The following MLIP variants were observed in gnomAD, a reference collection of about 807,000 sequenced individuals.
MLIP encodes muscular LMNA interacting protein.
A neutral mutation model predicts 84.8 loss-of-function variants in MLIP; 79 were observed. The ratio of observed to expected loss-of-function variants is 0.93; its 90% CI spans 0.78 to 1.12. The LOEUF is 1.12. Among genes scored for constraint, MLIP ranks in the 50% most tolerant of loss-of-function variants. The pLI is 0.00. For synonymous variants in MLIP, 504 were observed against 463.0 expected (o/e 1.09, Z -1.14); for missense variants, 1,257 against 1,160.6 (o/e 1.08, Z -1.21).
intron 11 of MLIP, among the ~76,000 whole-genome samples, chr6:54,226,939 G>A (rs1463063522): frequency 6.6e-6 from 1 of 152,178 alleles, no homozygotes; most frequent in Non-Finnish European, 1.5e-5. Flanking sequence ...GGTCACCTTA[G>A]TTGGAGAATG....
chr6:54,182,002 T>A lies in MLIP; in HGVS notation c.2545-7868T>A, dbSNP rs180926172. 1.8e-4 allele frequency among the ~76,000 whole-genome samples: 27 copies of A among 152,306 alleles called. No individual in the cohort carries two copies. The East Asian group carries it at 5.2e-3, about 29-fold the overall frequency. ...GGGAAGAAATAGCACAAGTACTCCC[T>A]TTGCCATGCCAGCTGATGTCTCCCT... On this transcript the variant is annotated intron_variant, in intron 9 of 13. Coordinates refer to ENST00000502396, the MANE Select transcript of MLIP (RefSeq NM_001281747.2).
At chr6:54,126,608 C>A (rs1421013171) in intron 3 of MLIP, among the ~76,000 whole-genome samples, 5 of 151,626 alleles carry the variant, frequency 3.3e-5, no homozygotes, top group African/African-American at 1.2e-4. Context: ...CTTGAGTGAA[C>A]TGTAGGTCAT....
At chr6:54,111,440 C>T, upstream of MLIP, 1 of 1,535,154 alleles carries the variant, frequency 6.5e-7, no homozygotes, top group Non-Finnish European at 8.7e-7. Context: ...CCCTTCCCAC[C>T]TCAGTCATTG....
intron 5 of MLIP, among the ~76,000 whole-genome samples, chr6:54,151,951 G>A (rs533323349): frequency 6.6e-6 from 1 of 152,172 alleles, no homozygotes; most frequent in Non-Finnish European, 1.5e-5. Flanking sequence ...AGTACACTTT[G>A]TTGGCAGGGA....
In MLIP at chr6:54,137,530, C is replaced by G; in HGVS notation, c.1461C>G (p.Thr487=). Residue 487 remains threonine (T), a synonymous_variant, in exon 4 of 14, where the codon ACC becomes ACG. Transcript: ENST00000502396. ...GGGAACTCCAGGTTTCTGAATTGACCCAGCAATCTTTTCACCTGCCTGTTT... is the reference window on the plus strand; with the variant it reads ...GGGAACTCCAGGTTTCTGAATTGACGCAGCAATCTTTTCACCTGCCTGTTT... ...DQGELQVSEL[T]QQSFHLPVFT... 1 of 1,536,068 alleles carries G rather than the reference C, an allele frequency of 6.5e-7. No homozygotes were observed. The highest frequency in any genetic ancestry group is 8.7e-7 in the Non-Finnish European group (1 of 1,146,916).
intron 9 of MLIP, among the ~76,000 whole-genome samples, chr6:54,176,093 G>T (rs1776257106): frequency 6.6e-6 from 1 of 151,996 alleles, no homozygotes; most frequent in Non-Finnish European, 1.5e-5. Context: ...TGATCATGAT[G>T]AAGGATCTTT....
chr6:54,171,150 G>T (rs777493482), intron 9 of MLIP, among the ~76,000 whole-genome samples: 1 of 151,296 alleles, frequency 6.6e-6, no homozygotes, highest in Non-Finnish European at 1.5e-5. Flanking sequence ...ATTCTGGAGC[G>T]GCTTCTTCAA....
intron 11 of MLIP, chr6:54,216,471 G>C: frequency 1.0e-6 from 1 of 985,322 alleles, no homozygotes; most frequent in Non-Finnish European, 1.2e-6. Flanking sequence ...CTTTTCCCTT[G>C]AGTGTACCTC....
intron 5 of MLIP, among the ~76,000 whole-genome samples, chr6:54,156,530 A>G (rs1302215409): frequency 1.3e-5 from 2 of 152,148 alleles, no homozygotes; most frequent in African/African-American, 4.8e-5. Context: ...ATCGCATTGC[A>G]CTAGCATTGA....
At chr6:54,149,263 A>T in intron 5 of MLIP, 136 bp downstream of exon 5, 1 of 775,416 alleles carries the variant, frequency 1.3e-6, no homozygotes, top group Admixed American at 2.6e-5. Context: ...TTAGTTTAGG[A>T]TGATGTGGTG....
At chr6:54,147,313 T>A (rs1174195528) in intron 4 of MLIP, among the ~76,000 whole-genome samples, 1 of 152,194 alleles carries the variant, frequency 6.6e-6, no homozygotes, top group Non-Finnish European at 1.5e-5. Context: ...ATAGGACTTC[T>A]GTAAAATTAA....
In MLIP at chr6:54,189,858, T is replaced by TTGGC. The variant is rs774261452; in HGVS notation, c.2545-12_2545-11insTGGC. 1.9e-6 allele frequency: 3 copies of TTGGC among 1,584,372 alleles called. No homozygotes were observed. The highest frequency in any genetic ancestry group is 1.7e-6 in the Non-Finnish European group (2 of 1,153,736). ...GAGTTTCACTAATAAATGCCATGTT[T>TTGGC]ATGTTTTGCAGGCAAATCTCTCCTC... On this transcript the variant is annotated splice_polypyrimidine_tract_variant and intron_variant, in intron 9 of 13. Coordinates refer to ENST00000502396, the MANE Select transcript of MLIP (RefSeq NM_001281747.2).
intron 11 of MLIP, chr6:54,215,001 G>A (rs373380864): frequency 7.1e-5 from 42 of 594,612 alleles, no homozygotes; most frequent in African/African-American, 5.4e-4. Flanking sequence ...TAAAGGAGAC[G>A]ATATCCCTCC....
chr6:54,135,150 T>C (rs1771695168), intron 3 of MLIP, among the ~76,000 whole-genome samples: 1 of 152,142 alleles, frequency 6.6e-6, no homozygotes, highest in Non-Finnish European at 1.5e-5. Context: ...GATTTAAATA[T>C]ATCTCTAACC....
intron 4 of MLIP, among the ~76,000 whole-genome samples, chr6:54,141,771 A>T (rs1028251356): frequency 2.6e-5 from 4 of 152,178 alleles, no homozygotes; most frequent in African/African-American, 9.6e-5. Context: ...ATGGTGGTCC[A>T]TATGGAAATT....
intron 9 of MLIP, among the ~76,000 whole-genome samples, chr6:54,187,173 G>A (rs1038146674): frequency 6.6e-6 from 1 of 152,162 alleles, no homozygotes; most frequent in African/African-American, 2.4e-5. Context: ...ATCAGGATGA[G>A]GCAATAAAAT....
At chr6:54,073,235 A>G (rs1766593710) in intron 1 of MLIP, among the ~76,000 whole-genome samples, 2 of 152,010 alleles carry the variant, frequency 1.3e-5, no homozygotes, top group Non-Finnish European at 2.9e-5. Context: ...CTATACCTCA[A>G]CCACCTTTTT....
chr6:54,195,433 A>C (rs1298798205), intron 10 of MLIP, among the ~76,000 whole-genome samples: 2 of 152,094 alleles, frequency 1.3e-5, no homozygotes, highest in Non-Finnish European at 2.9e-5. Flanking sequence ...AGTTGAAGTT[A>C]CTAGTTTAAG....
chr6:54,104,837 T>A (rs1768899112), intron 1 of MLIP, among the ~76,000 whole-genome samples: 1 of 152,134 alleles, frequency 6.6e-6, no homozygotes, highest in Admixed American at 6.6e-5. Context: ...ACAGTGTGCA[T>A]TATGAAAGGA....
Sources: gnomAD v4.1 joint callset for allele counts (sites outside exome capture counted in the v4.1 genomes callset) on GRCh38, gnomAD v4.1.1 for gene constraint, MANE v1.5 for transcripts, NCBI Gene and HGNC (gene_info 2026-07-23, HGNC 2026-07-21) for gene names.